Variants in ZNF521 observed in about 807,000 individuals in gnomAD.
ZNF521 encodes the protein zinc finger protein 521, also known as LYST-interacting protein 3.
Under a neutral mutation model 105.5 loss-of-function variants are expected in ZNF521, and 14 were observed. That is an observed-to-expected ratio of 0.13 (90% CI 0.09 to 0.21). The LOEUF is 0.21. Among genes scored for constraint, ZNF521 ranks in the 10% least tolerant of loss-of-function variants. ZNF521 has a pLI of 1.00. For missense variants in ZNF521, 1,233 were observed against 1,629.7 expected (o/e 0.76, Z 4.19); for synonymous variants, 635 against 606.0 (o/e 1.05, Z -0.70).
chr18:25,090,043 G>C (rs2033710003), intron 6 of ZNF521, among the ~76,000 whole-genome samples: 1 of 152,160 alleles, frequency 6.6e-6, no homozygotes, highest in Non-Finnish European at 1.5e-5. Flanking sequence ...CTGGGGCACT[G>C]TCTATAAATG....
chr18:25,321,961 G>T, intron 3 of ZNF521, 47 bp downstream of exon 3: 1 of 1,538,768 alleles, frequency 6.5e-7, no homozygotes, highest in Non-Finnish European at 8.8e-7. Flanking sequence ...GAAAAAATCA[G>T]AAATAGAACA....
intron 5 of ZNF521, among the ~76,000 whole-genome samples, chr18:25,113,761 G>GACACACACACACACACAC (rs10667710): frequency 7.9e-5 from 8 of 101,742 alleles, no homozygotes; most frequent in African/African-American, 1.1e-4. Context: ...AGGACGGACG[G>GACACACACACACACACAC]ACACACACAC....
chr18:25,095,941 G>T (rs1350388117), intron 5 of ZNF521, among the ~76,000 whole-genome samples: 2 of 152,136 alleles, frequency 1.3e-5, no homozygotes, highest in East Asian at 1.9e-4. Context: ...CTAGCAATGG[G>T]GGTCCAGTGT....
rs137974197 is a variant in ZNF521, at chr18:25,292,894, A to G, written c.220+29114T>C. ...AAACCACCCAACCTGAATCCAAGGT[A>G]GGACCCTCAGGGTCCAGTCCCCAGG... On this transcript the variant is annotated intron_variant, in intron 3 of 7. Transcript: ENST00000361524. 3.3e-5 allele frequency among the ~76,000 whole-genome samples: 5 copies of G among 152,326 alleles called. No homozygotes were observed. In the East Asian group the frequency reaches 9.7e-4, roughly 29 times the overall value.
chr18:25,313,662 T>G (rs932645110), intron 3 of ZNF521, among the ~76,000 whole-genome samples: 4 of 152,216 alleles, frequency 2.6e-5, no homozygotes, highest in Non-Finnish European at 5.9e-5. Flanking sequence ...ATTACCAAAA[T>G]AACATAAAAT....
chr18:25,171,763 T>A lies in ZNF521; in HGVS notation c.3658+23397A>T, dbSNP rs115223928. Among the ~76,000 whole-genome samples the A allele has an allele frequency of 5.6e-3, 853 of 152,200 alleles. 7 individuals carry two copies. The highest frequency in any genetic ancestry group is 0.019 in the African/African-American group (795 of 41,562). On this transcript the variant is annotated intron_variant, in intron 5 of 7. Coordinates refer to ENST00000361524, the MANE Select transcript of ZNF521 (RefSeq NM_015461.3). Reference sequence around the variant, plus strand: ...ATAGGGTTCAGAGTTAATTCAATGATGCTAAGAATGACTGACTGGTATTAA... The same window carrying A: ...ATAGGGTTCAGAGTTAATTCAATGAAGCTAAGAATGACTGACTGGTATTAA...
intron 5 of ZNF521, among the ~76,000 whole-genome samples, chr18:25,168,515 C>T (rs2144550116): frequency 6.6e-6 from 1 of 152,248 alleles, no homozygotes; most frequent in Non-Finnish European, 1.5e-5. Context: ...CCAGGAGAGG[C>T]ACAGACTTCC....
intron 5 of ZNF521, among the ~76,000 whole-genome samples, chr18:25,173,720 C>T (rs1370296870): frequency 6.6e-6 from 1 of 151,984 alleles, no homozygotes; most frequent in Non-Finnish European, 1.5e-5. Context: ...CGAAGTTAGC[C>T]AATAGTACTA....
At chr18:25,214,749 G>C (rs992043662) in intron 4 of ZNF521, among the ~76,000 whole-genome samples, 1 of 152,068 alleles carries the variant, frequency 6.6e-6, no homozygotes, top group Non-Finnish European at 1.5e-5. Context: ...CAGGTTTTAA[G>C]TTTATTGAGA....
intron 5 of ZNF521, among the ~76,000 whole-genome samples, chr18:25,159,849 C>G (rs997516880): frequency 1.3e-5 from 2 of 152,012 alleles, no homozygotes; most frequent in African/African-American, 4.8e-5. Context: ...AGTGTAACAC[C>G]AAGATAATAG....
chr18:25,210,325 T>C (rs2036156745), intron 4 of ZNF521, among the ~76,000 whole-genome samples: 2 of 152,198 alleles, frequency 1.3e-5, no homozygotes, highest in South Asian at 4.1e-4. Context: ...TGAACTCATT[T>C]TTTTTCCCTA....
intron 2 of ZNF521, chr18:25,327,552 T>G (rs1233627034): frequency 4.3e-6 from 3 of 696,956 alleles, no homozygotes; most frequent in Non-Finnish European, 6.7e-6. Flanking sequence ...ATGTTTATAC[T>G]TTTTAAGAAC....
At chr18:25,095,870 G>A (rs1396777881) in intron 5 of ZNF521, among the ~76,000 whole-genome samples, 1 of 152,146 alleles carries the variant, frequency 6.6e-6, no homozygotes, top group African/African-American at 2.4e-5. Flanking sequence ...GTATGAGCCT[G>A]TATCTTTCCA....
chr18:25,215,116 T>C (rs1175134100), intron 4 of ZNF521, among the ~76,000 whole-genome samples: 1 of 152,126 alleles, frequency 6.6e-6, no homozygotes, highest in Non-Finnish European at 1.5e-5. Context: ...AACTTCATAT[T>C]TTGCTTATTT....
intron 5 of ZNF521, among the ~76,000 whole-genome samples, chr18:25,156,735 A>G (rs2035152007): frequency 6.6e-6 from 1 of 152,250 alleles, no homozygotes; most frequent in Admixed American, 6.5e-5. Context: ...AATGAAAAAT[A>G]TATGCATATT....
At chr18:25,231,297 C>T (rs906910909) in intron 3 of ZNF521, among the ~76,000 whole-genome samples, 10 of 152,230 alleles carry the variant, frequency 6.6e-5, no homozygotes, top group South Asian at 2.1e-4. Context: ...CCTAAAAGGA[C>T]GAAACAACAG....
rs1914599880 is a variant in ZNF521, at chr18:25,349,314, TTTC to T, written c.40+1590_40+1592del. Among the ~76,000 whole-genome samples the T allele has an allele frequency of 2.0e-5, 3 of 152,082 alleles. No individual in the cohort carries two copies. The South Asian group carries it at 6.2e-4, about 32-fold the overall frequency. The stretch of plus-strand genomic sequence containing the variant: ...CTGACACCCGCGCACGCCCGTGGCG[TTTC>T]TTTTTTCACTGTCGACACTTGGATC... On this transcript the variant is annotated intron_variant, in intron 2 of 7. Coordinates refer to ENST00000361524, the MANE Select transcript of ZNF521 (RefSeq NM_015461.3).
In ZNF521 at chr18:25,226,962, A is replaced by C. The variant is rs960955566; in HGVS notation, c.956T>G (p.Phe319Cys). ...KNSCSICSES[F>C]HTVEELYSHM... The stretch of plus-strand genomic sequence containing the variant: ...GCTGTACAGTTCCTCAACTGTGTGG[A>C]AACTCTCAGAACAAATGCTGCATGA... The change falls in exon 4 of 8, where the codon TTC becomes TGC. Residue 319 changes from phenylalanine (F) to cysteine (C), a missense_variant. Physicochemically the swap from Phe to Cys is radical, Grantham distance 205 (BLOSUM62 -2). This residue lies in a region of ZNF521 where 380 missense variants were observed against 478.0 expected (regional missense o/e 0.80). Coordinates refer to ENST00000361524, the MANE Select transcript of ZNF521 (RefSeq NM_015461.3). This position sits in a 1 kb window ranked among gnomAD's most constrained non-coding sequence, Gnocchi z 4.1. 2.5e-6 allele frequency: 4 copies of C among 1,613,928 alleles called. No individual in the cohort carries two copies. The highest frequency in any genetic ancestry group is 3.4e-6 in the Non-Finnish European group (4 of 1,179,994).
At chr18:25,276,477 AT>A (rs1168132944) in intron 3 of ZNF521, among the ~76,000 whole-genome samples, 2 of 152,158 alleles carry the variant, frequency 1.3e-5, no homozygotes, top group East Asian at 3.9e-4. Flanking sequence ...CACTCTCATA[AT>A]TTCTAAGCAA....
Sources: allele counts gnomAD v4.1 joint callset (sites outside exome capture counted in the v4.1 genomes callset), GRCh38; gene constraint gnomAD v4.1.1; regional missense constraint gnomAD v4.1.1; non-coding constraint Gnocchi (gnomAD v3.1); transcripts MANE v1.5; gene names NCBI Gene and HGNC (gene_info 2026-07-23, HGNC 2026-07-21).